PACS1: variants seen among roughly 807,000 people sequenced by gnomAD.
PACS1 encodes the protein PACS-1.
PACS1 carries 24 observed loss-of-function variants against 115.0 expected under a neutral mutation model. The ratio of observed to expected loss-of-function variants is 0.21; its 90% CI spans 0.15 to 0.29. The LOEUF (loss-of-function observed/expected upper bound fraction) is 0.29, where lower values mean the gene tolerates loss of function less well. Among genes scored for constraint, PACS1 ranks in the 10% least tolerant of loss-of-function variants. The probability of loss-of-function intolerance (pLI) is 1.00; values close to 1 mark genes in which losing one functional copy is unlikely to be tolerated. For missense variants in PACS1, 838 were observed against 1,251.2 expected (o/e 0.67, Z 4.98); for synonymous variants, 453 against 504.5 (o/e 0.90, Z 1.37).
chr11:66,156,371 C>T (rs927853410), intron 1 of PACS1, among the ~76,000 whole-genome samples: 9 of 149,928 alleles, frequency 6.0e-5, no homozygotes, highest in Non-Finnish European at 1.0e-4. Flanking sequence ...TCCTGCTTTC[C>T]GCAGCTGGGA....
At chr11:66,215,849 G>A (rs1236228781) in intron 4 of PACS1, among the ~76,000 whole-genome samples, 2 of 150,822 alleles carry the variant, frequency 1.3e-5, no homozygotes, top group African/African-American at 4.9e-5. Flanking sequence ...GCAGTGAGCC[G>A]AGATCACGCC....
intron 1 of PACS1, among the ~76,000 whole-genome samples, chr11:66,182,820 T>C (rs1860039385): frequency 6.6e-6 from 1 of 152,190 alleles, no homozygotes; most frequent in Admixed American, 6.5e-5. Context: ...AAATCTGCTT[T>C]AAGGTTACTG....
chr11:66,170,467 C>T (rs915459173), intron 1 of PACS1, among the ~76,000 whole-genome samples: 1 of 150,182 alleles, frequency 6.7e-6, no homozygotes, highest in Non-Finnish European at 1.5e-5. Flanking sequence ...GTGTTTGGTT[C>T]TGAATATTGT....
Position 66,086,549 on chromosome 11 carries a change from G to C in PACS1, c.356+15707G>C, listed in dbSNP as rs142346035. 2.0e-3 allele frequency among the ~76,000 whole-genome samples: 312 copies of C among 152,364 alleles called. 1 individual carries two copies. The East Asian group carries it at 0.033, about 16-fold the overall frequency. On this transcript the variant is annotated intron_variant, in intron 1 of 23. Transcript: ENST00000320580. Reference sequence around the variant, plus strand: ...GTTATGAACCTGATGAAGCTTTTAAGTTTTAGGGCCCTGTACATGCACAGG... The same window carrying C: ...GTTATGAACCTGATGAAGCTTTTAACTTTTAGGGCCCTGTACATGCACAGG...
intron 19 of PACS1, chr11:66,238,123 C>A (rs776255214): frequency 7.1e-6 from 7 of 985,376 alleles, no homozygotes; most frequent in Non-Finnish European, 8.4e-6. Flanking sequence ...CCAGGCTGTC[C>A]TTTCCAGAAT....
intron 4 of PACS1, among the ~76,000 whole-genome samples, chr11:66,212,245 C>T (rs1855089257): frequency 6.6e-6 from 1 of 151,558 alleles, no homozygotes; most frequent in African/African-American, 2.4e-5. Flanking sequence ...GATTCTCCTA[C>T]CTTAGCCTCC....
rs147764826 is a variant in PACS1 at position 66,143,802 on chromosome 11, G to A, written c.357-49684G>A. On this transcript the variant is annotated intron_variant, in intron 1 of 23. Transcript: ENST00000320580. The stretch of plus-strand genomic sequence containing the variant: ...TTACAGGCTCACACCACCATGCCTG[G>A]CTAATTATTGTATTTTTAGTAGAAA... Among the ~76,000 whole-genome samples, 442 of 152,166 alleles carry A rather than the reference G, an allele frequency of 2.9e-3. 14 individuals are homozygous for A. In the East Asian group the frequency reaches 0.069, roughly 24 times the overall value.
chr11:66,217,705 C>A, intron 7 of PACS1: 1 of 434,146 alleles, frequency 2.3e-6, no homozygotes, highest in Non-Finnish European at 4.7e-6. Flanking sequence ...AGGTATCCAC[C>A]TCTCAATTGG....
chr11:66,145,695 G>A (rs565676253), intron 1 of PACS1, among the ~76,000 whole-genome samples: 2 of 152,156 alleles, frequency 1.3e-5, no homozygotes, highest in African/African-American at 2.4e-5. Flanking sequence ...GGGCTGATCC[G>A]AAAGGAAAAG....
chr11:66,180,351 C>CT (rs146651808), intron 1 of PACS1, among the ~76,000 whole-genome samples: 193 of 146,114 alleles, frequency 1.3e-3, no homozygotes, highest in African/African-American at 3.5e-3. Context: ...TTTCTTTCAG[C>CT]TTTTTTTTTT....
intron 1 of PACS1, among the ~76,000 whole-genome samples, chr11:66,141,660 A>G (rs1858990974): frequency 6.6e-6 from 1 of 151,988 alleles, no homozygotes. Context: ...TCTCAAAAAA[A>G]AAAAAAAAAT....
At chr11:66,127,610 A>G (rs375130258) in intron 1 of PACS1, among the ~76,000 whole-genome samples, 5 of 152,196 alleles carry the variant, frequency 3.3e-5, no homozygotes, top group Admixed American at 1.3e-4. Flanking sequence ...ACTTAAAATA[A>G]GCGACAGACA....
chr11:66,217,740 G>A (rs564754416), intron 7 of PACS1: 4 of 397,154 alleles, frequency 1.0e-5, no homozygotes, highest in Admixed American at 8.1e-5. Flanking sequence ...CCCATGAGGT[G>A]TGTCACCAGT....
intron 1 of PACS1, among the ~76,000 whole-genome samples, chr11:66,127,894 A>C (rs897010869): frequency 6.6e-6 from 1 of 152,236 alleles, no homozygotes; most frequent in African/African-American, 2.4e-5. Flanking sequence ...CCACCTGTGA[A>C]GCAGCCTTGC....
chr11:66,107,660 C>G (rs954631599), intron 1 of PACS1, among the ~76,000 whole-genome samples: 12 of 152,186 alleles, frequency 7.9e-5, no homozygotes, highest in Non-Finnish European at 1.8e-4. Flanking sequence ...TACCACTATA[C>G]CACGTTGGCC....
chr11:66,091,898 C>T (rs901597761), intron 1 of PACS1, among the ~76,000 whole-genome samples: 6 of 152,030 alleles, frequency 3.9e-5, no homozygotes, highest in Non-Finnish European at 8.8e-5. Context: ...ATATGTGCCA[C>T]ATTTTCTTAA....
intron 1 of PACS1, among the ~76,000 whole-genome samples, chr11:66,093,818 TA>T (rs1317990984): frequency 6.6e-6 from 1 of 152,082 alleles, no homozygotes; most frequent in Non-Finnish European, 1.5e-5. Flanking sequence ...TCAGCAAATG[TA>T]AAAGATCAGA....
rs141037388 is a variant in PACS1 at position 66,212,460 on chromosome 11, G to A, written c.660+1201G>A. ...ACTTTTTTTTTTTTTTTTTAGAGAC[G>A]AGGTCTTGCTCTGTTGTCCAGGCTG... On this transcript the variant is annotated intron_variant, in intron 4 of 23. Transcript: ENST00000320580. Among the ~76,000 whole-genome samples, 94 of 147,010 alleles carry A rather than the reference G, an allele frequency of 6.4e-4. 1 individual carries two copies. The East Asian group carries it at 0.01, about 16-fold the overall frequency.
rs147703364 is a variant in PACS1 at position 66,222,889 on chromosome 11, G to A, written c.1293+1642G>A. On this transcript the variant is annotated intron_variant, in intron 10 of 23. Coordinates refer to ENST00000320580, the MANE Select transcript of PACS1 (RefSeq NM_018026.4). ...CCCAGCTCACCGTTCTTCCTGCTTA[G>A]GACAGCGCCCCACGTGACGTTAGTG... Among the ~76,000 whole-genome samples, 560 of 151,938 alleles carry A rather than the reference G, an allele frequency of 3.7e-3. 4 individuals carry two copies. The highest frequency in any genetic ancestry group is 0.013 in the African/African-American group (533 of 41,436).
Sources: gnomAD v4.1 joint callset for allele counts (sites outside exome capture counted in the v4.1 genomes callset) on GRCh38, gnomAD v4.1.1 for gene constraint, MANE v1.5 for transcripts, NCBI Gene and HGNC (gene_info 2026-07-23, HGNC 2026-07-21) for gene names.